SLC9D1: variants seen among roughly 807,000 people sequenced by gnomAD.
SLC9D1 encodes the protein solute carrier family 9 member D1.
At chr13:113,532,203 G>A in the SLC9D1 span, among the ~76,000 whole-genome samples, 3 of 152,222 alleles carry the variant, frequency 2.0e-5, no homozygotes, top group African/African-American at 7.2e-5. Flanking sequence ...GGCAATGAAT[G>A]AATGATGCAC....
chr13:113,503,464 C>T, the SLC9D1 span: 1 of 1,533,612 alleles, frequency 6.5e-7, no homozygotes, highest in Non-Finnish European at 9.0e-7. Context: ...TAAACATGTA[C>T]AATTATATGG....
At chr13:113,549,210 C>T in the SLC9D1 span, among the ~76,000 whole-genome samples, 12 of 152,252 alleles carry the variant, frequency 7.9e-5, no homozygotes, top group Admixed American at 2.6e-4. Context: ...GATGTGCAGG[C>T]GTCCCTCCCA....
At chr13:113,518,255 T>C in the SLC9D1 span, among the ~76,000 whole-genome samples, 1 of 152,304 alleles carries the variant, frequency 6.6e-6, no homozygotes. Flanking sequence ...CTTGTCTTCC[T>C]CCTGCAGCCC....
the SLC9D1 span, among the ~76,000 whole-genome samples, chr13:113,536,105 C>T: frequency 3.9e-5 from 6 of 152,172 alleles, no homozygotes; most frequent in Admixed American, 6.5e-5. Context: ...CGGCTGGGCG[C>T]GGTGGCTCAC....
the SLC9D1 span, among the ~76,000 whole-genome samples, chr13:113,509,541 C>G: frequency 7.2e-5 from 11 of 152,282 alleles, no homozygotes. Context: ...CCACACAGCC[C>G]CTGCACCCCT....
the SLC9D1 span, among the ~76,000 whole-genome samples, chr13:113,531,686 C>A: frequency 7.9e-5 from 12 of 152,134 alleles, no homozygotes; most frequent in African/African-American, 2.9e-4. Context: ...GACACGGCGC[C>A]CCGTACATGC....
At chr13:113,527,297 C>G in the SLC9D1 span, 1 of 152,230 alleles carries the variant, frequency 6.6e-6, no homozygotes, top group Non-Finnish European at 1.5e-5. Context: ...ATGTTCCCAT[C>G]TATCTTCTGT....
the SLC9D1 span, among the ~76,000 whole-genome samples, chr13:113,520,901 G>A: frequency 1.3e-5 from 2 of 152,198 alleles, no homozygotes; most frequent in East Asian, 1.9e-4. Context: ...TCTGTGCTTA[G>A]CAGCTCCTCA....
At chr13:113,495,926 C>T in the SLC9D1 span, 27 of 1,613,908 alleles carry the variant, frequency 1.7e-5, no homozygotes, top group African/African-American at 4.0e-5. Context: ...AAGCTGTCTA[C>T]GGACTGCAGA....
chr13:113,500,278 A>G, the SLC9D1 span: 1 of 471,604 alleles, frequency 2.1e-6, no homozygotes, highest in Non-Finnish European at 3.6e-6. Flanking sequence ...AATTCCGTAC[A>G]TTATCTGTGA....
At chr13:113,521,381 GTA>G in the SLC9D1 span, among the ~76,000 whole-genome samples, 2 of 149,760 alleles carry the variant, frequency 1.3e-5, no homozygotes, top group Non-Finnish European at 3.0e-5. Context: ...GTGTGTGTGT[GTA>G]TGAGAGCTAT....
At chr13:113,491,769 C>A in the SLC9D1 span, among the ~76,000 whole-genome samples, 4 of 152,248 alleles carry the variant, frequency 2.6e-5, no homozygotes, top group Non-Finnish European at 5.9e-5. Flanking sequence ...GTCCCTGGCC[C>A]CCCTCCTGTG....
chr13:113,499,908 A>T, the SLC9D1 span: 10 of 1,208,676 alleles, frequency 8.3e-6, no homozygotes, highest in Non-Finnish European at 1.1e-5. Flanking sequence ...TTCTCCAAAA[A>T]TTGAAAGCAT....
chr13:113,536,786 G>GTTTCT, the SLC9D1 span, among the ~76,000 whole-genome samples: 2 of 152,210 alleles, frequency 1.3e-5, no homozygotes, highest in Non-Finnish European at 2.9e-5. Context: ...CCATTCTCGT[G>GTTTCT]TTTCTGGAAG....
At chr13:113,491,561 C>T in the SLC9D1 span, among the ~76,000 whole-genome samples, 1 of 152,134 alleles carries the variant, frequency 6.6e-6, no homozygotes. Context: ...TCTCTCTCTC[C>T]TCGGGGCTCC....
chr13:113,525,656 G>A, the SLC9D1 span, among the ~76,000 whole-genome samples: 2 of 145,440 alleles, frequency 1.4e-5, no homozygotes, highest in Admixed American at 1.4e-4. Flanking sequence ...ACAAGCCATC[G>A]TCATCATAGG....
At chr13:113,503,497 C>T in the SLC9D1 span, 2 of 1,608,338 alleles carry the variant, frequency 1.2e-6, no homozygotes, top group Non-Finnish European at 1.7e-6. Flanking sequence ...GTTTTTCAGT[C>T]TATTGTGCAA....
the SLC9D1 span, chr13:113,520,802 T>G: frequency 8.9e-7 from 1 of 1,124,760 alleles, no homozygotes; most frequent in Non-Finnish European, 1.3e-6. Context: ...TACTACTTAA[T>G]ACCTTTTCCA....
At chr13:113,547,483 G>A in the SLC9D1 span, 2 of 909,168 alleles carry the variant, frequency 2.2e-6, no homozygotes, top group Non-Finnish European at 3.5e-6. Flanking sequence ...TGCAGAGCCG[G>A]CCCTGCTCCT....
Sources: gnomAD v4.1 joint callset for allele counts (sites outside exome capture counted in the v4.1 genomes callset) on GRCh38, gnomAD v4.1.1 for gene constraint, MANE v1.5 for transcripts, NCBI Gene and HGNC (gene_info 2026-07-23, HGNC 2026-07-21) for gene names.